The following FIG4 variants were observed in gnomAD, a reference collection of about 807,000 sequenced individuals.
The protein encoded by FIG4 is FIG4 phosphoinositide 5-phosphatase.
In FIG4, 112 loss-of-function variants were observed where a neutral mutation model predicts 118.6. That is an observed-to-expected ratio of 0.94 (90% confidence interval 0.81 to 1.11). The LOEUF (loss-of-function observed/expected upper bound fraction) is 1.11. Among genes scored for constraint, FIG4 ranks in the 50% least tolerant of loss-of-function variants. The pLI is 0.00. For missense variants in FIG4, 969 were observed against 1,111.7 expected, an observed-to-expected ratio of 0.87 and a Z score of 1.83; for synonymous variants, 369 against 381.2, an observed-to-expected ratio of 0.97 and a Z score of 0.37.
chr6:109,771,744 C>G (rs545500989), intron 15 of FIG4, among the ~76,000 whole-genome samples: 8 of 152,250 alleles, frequency 5.3e-5, no homozygotes, highest in African/African-American at 1.7e-4. Context: ...AGTTTCTACC[C>G]TATATTGTAT....
intron 15 of FIG4, among the ~76,000 whole-genome samples, chr6:109,774,286 T>C (rs1234516342): frequency 3.3e-5 from 5 of 152,222 alleles, no homozygotes; most frequent in East Asian, 1.9e-4. Flanking sequence ...TTTTAGATAA[T>C]GTAATGAATC....
intron 10 of FIG4, among the ~76,000 whole-genome samples, chr6:109,745,162 T>G (rs1050322644): frequency 5.3e-5 from 8 of 152,170 alleles, no homozygotes; most frequent in African/African-American, 1.7e-4. Flanking sequence ...TACCCAGTAA[T>G]GGGATTGCTG....
intron 10 of FIG4, among the ~76,000 whole-genome samples, chr6:109,749,055 CTGTGTGTGTGTG>C (rs113357544): frequency 8.9e-4 from 118 of 132,472 alleles, no homozygotes; most frequent in East Asian, 2.4e-3. Context: ...CAAAGGAGCT[CTGTGTGTGTGTG>C]TGTGTGTGTG....
chr6:109,749,055 CTGTGTGTGTGTGTGTGTGTGTG>C (rs113357544), intron 10 of FIG4, among the ~76,000 whole-genome samples: 133 of 132,484 alleles, frequency 1.0e-3, no homozygotes, highest in South Asian at 8.6e-4. Context: ...CAAAGGAGCT[CTGTGTGTGTGTGTGTGTGTGTG>C]TGTGTGTGTG....
intron 6 of FIG4, among the ~76,000 whole-genome samples, chr6:109,737,341 G>A (rs920113986): frequency 2.6e-5 from 4 of 152,116 alleles, no homozygotes; most frequent in Non-Finnish European, 5.9e-5. Context: ...TTTGAGGTGA[G>A]TAGTATTAAC....
In FIG4 at chr6:109,796,804, G is replaced by A. The variant is rs770009540; in HGVS notation, c.2499G>A (p.Lys833=). 4.3e-6 allele frequency: 7 copies of A among 1,612,516 alleles called. No homozygotes were observed. In the South Asian group the frequency reaches 7.7e-5, roughly 18 times the overall value. The change falls in exon 22 of 23, where the codon AAG becomes AAA. Residue 833 remains lysine, a synonymous_variant. Coordinates refer to ENST00000230124, the MANE Select transcript of FIG4 (RefSeq NM_014845.6). ...QLGQSQHKQD[K]NSQQPCSRCS... is the part of the protein sequence containing the mutation. Reference sequence around the variant, plus strand: ...GGCAGAGTCAACATAAACAAGACAAGAATAGCCAGCAGCCCTGTTCTAGGT... The same window carrying A: ...GGCAGAGTCAACATAAACAAGACAAAAATAGCCAGCAGCCCTGTTCTAGGT...
chr6:109,822,765 A>G (rs1361114994), intron 22 of FIG4, among the ~76,000 whole-genome samples: 1 of 107,208 alleles, frequency 9.3e-6, no homozygotes, highest in Non-Finnish European at 1.9e-5. Context: ...GTTGAAGTGT[A>G]TATATATGTG....
intron 10 of FIG4, among the ~76,000 whole-genome samples, chr6:109,752,900 A>G (rs1167111734): frequency 6.6e-6 from 1 of 152,176 alleles, no homozygotes; most frequent in African/African-American, 2.4e-5. Context: ...TGTTCTAGAC[A>G]TGAAGTCCTT....
At position 109,727,180 on chromosome 6, in the gene FIG4, G is replaced by A. The variant is rs779006937; in HGVS notation, c.361G>A (p.Gly121Ser). ...AAGGAGGAAGATGGCGGATATTGGA[G>A]GTCATGCAATCTATAAGGTCGAAGA... ...TKRRKMADIG[G>S]HAIYKVEDTN... The change falls in exon 4 of 23, where the codon GGT (glycine) becomes AGT (serine). Residue 121 changes from glycine (G) to serine (S), a missense_variant. Gly to Ser is a moderately conservative substitution (Grantham distance 56, BLOSUM62 0). Around this residue, in one of 3 missense-constraint regions of FIG4, gnomAD observed 393 missense variants for 409.4 expected, o/e 0.96. Coordinates refer to ENST00000230124, the MANE Select transcript of FIG4 (RefSeq NM_014845.6). 1.9e-6 allele frequency: 3 copies of A among 1,609,350 alleles called. No individual in the cohort carries two copies. The highest frequency in any genetic ancestry group is 4.5e-5 in the East Asian group (2 of 44,854).
intron 10 of FIG4, among the ~76,000 whole-genome samples, chr6:109,754,475 A>C (rs575791850): frequency 0.011 from 1,717 of 152,054 alleles, 18 homozygotes; most frequent in Middle Eastern, 0.058. Flanking sequence ...AGGGAGGATT[A>C]CCTCTTTTTC....
At chr6:109,819,043 C>A (rs149089889) in intron 22 of FIG4, among the ~76,000 whole-genome samples, 2,096 of 152,292 alleles carry the variant, frequency 0.014, 19 homozygotes, top group South Asian at 0.061. Context: ...AGGACCCACT[C>A]CATTCCCTGT....
At chr6:109,793,372 A>T (rs1313686316) in intron 21 of FIG4, among the ~76,000 whole-genome samples, 2 of 152,238 alleles carry the variant, frequency 1.3e-5, no homozygotes, top group African/African-American at 4.8e-5. Context: ...GTGCTAATTC[A>T]CAATGTTATA....
intron 1 of FIG4, among the ~76,000 whole-genome samples, chr6:109,705,005 A>G (rs564844268): frequency 6.6e-6 from 1 of 152,318 alleles, no homozygotes; most frequent in South Asian, 2.1e-4. Flanking sequence ...GGGAGAAAAC[A>G]AATGCAACAA....
At chr6:109,727,684 C>T (rs1775863741) in intron 4 of FIG4, among the ~76,000 whole-genome samples, 1 of 151,854 alleles carries the variant, frequency 6.6e-6, no homozygotes, top group Non-Finnish European at 1.5e-5. Context: ...CATTCTTATC[C>T]AAATAATCAA....
At chr6:109,823,409 T>G (rs957920185) in intron 22 of FIG4, among the ~76,000 whole-genome samples, 15 of 152,198 alleles carry the variant, frequency 9.9e-5, no homozygotes, top group Non-Finnish European at 1.6e-4. Flanking sequence ...TCTGTGTTAT[T>G]TTAATGCAAT....
intron 5 of FIG4, among the ~76,000 whole-genome samples, chr6:109,733,510 A>G (rs1316284619): frequency 6.6e-6 from 1 of 152,210 alleles, no homozygotes; most frequent in Admixed American, 6.5e-5. Flanking sequence ...TTGGTGTTAC[A>G]TACTACTGAC....
At position 109,786,286 on chromosome 6, in the gene FIG4, G is replaced by T. The variant is rs532624096; in HGVS notation, c.1949-16G>T. 2.5e-6 allele frequency: 4 copies of T among 1,604,272 alleles called. No individual in the cohort carries two copies. In the East Asian group the frequency reaches 6.7e-5, roughly 27 times the overall value. ...TAATCTCAGACTTTTAGAGTAACAT[G>T]CAGTATCTCTCTTAGTTATCTGTGC... On this transcript the variant is annotated splice_polypyrimidine_tract_variant and intron_variant, in intron 17 of 22. Transcript: ENST00000230124.
intron 22 of FIG4, among the ~76,000 whole-genome samples, chr6:109,799,310 C>T (rs1778369290): frequency 1.3e-5 from 2 of 152,210 alleles, no homozygotes. Flanking sequence ...AGCTTGGTAG[C>T]TCAGCATTAC....
intron 1 of FIG4, among the ~76,000 whole-genome samples, chr6:109,705,835 A>G (rs1775050817): frequency 1.3e-5 from 2 of 152,350 alleles, no homozygotes; most frequent in South Asian, 4.1e-4. Context: ...CAAACCTAAA[A>G]TAGAAGTTAA....
Sources: allele counts gnomAD v4.1 joint callset (sites outside exome capture counted in the v4.1 genomes callset), GRCh38; gene constraint gnomAD v4.1.1; regional missense constraint gnomAD v4.1.1; transcripts MANE v1.5; gene names NCBI Gene and HGNC (gene_info 2026-07-23, HGNC 2026-07-21).